The following LUZP2 variants were observed in gnomAD, a reference collection of about 807,000 sequenced individuals.
LUZP2 encodes leucine zipper protein 2.
Under a neutral mutation model 51.6 loss-of-function variants are expected in LUZP2, and 52 were observed. That is an observed-to-expected ratio of 1.01 (90% confidence interval 0.81 to 1.27). LUZP2 has a LOEUF of 1.27. Ranked by LOEUF, LUZP2 falls within the 50% of genes most tolerant of loss-of-function variation. LUZP2 has a pLI of 0.00. For synonymous variants in LUZP2, 154 were observed against 137.3 expected (o/e 1.12, Z -0.85); for missense variants, 436 against 395.4 (o/e 1.10, Z -0.87).
At chr11:24,658,176 G>A (rs1456595205) in intron 1 of LUZP2, among the ~76,000 whole-genome samples, 3 of 152,122 alleles carry the variant, frequency 2.0e-5, no homozygotes, top group South Asian at 2.1e-4. Flanking sequence ...TTCAAACTAT[G>A]CTACAAGGCT....
At chr11:24,674,000 C>T (rs983963532) in intron 1 of LUZP2, among the ~76,000 whole-genome samples, 8 of 152,148 alleles carry the variant, frequency 5.3e-5, no homozygotes, top group Admixed American at 3.3e-4. Context: ...AAGTATTTAA[C>T]ATTGCTAATC....
intron 7 of LUZP2, among the ~76,000 whole-genome samples, chr11:24,918,533 A>G (rs1280847245): frequency 6.6e-6 from 1 of 151,916 alleles, no homozygotes; most frequent in Non-Finnish European, 1.5e-5. Flanking sequence ...AAAAACTCTC[A>G]ATAAATTAGG....
rs1411868012 is a variant in LUZP2 at position 24,926,280 on chromosome 11, TA to T, written c.522+11743del. Among the ~76,000 whole-genome samples, 185 of 70,412 alleles carry T rather than the reference TA, an allele frequency of 2.6e-3. 9 individuals are homozygous for T. Among genetic ancestry groups the T allele is most frequent in the African/African-American group, 8.0e-3 (182 of 22,706 alleles). The allele number at this position is 70,412 out of a possible 152,430, so 46.2% of individuals were successfully genotyped here. On this transcript the variant is annotated intron_variant, in intron 7 of 11. Transcript: ENST00000336930. ...GTGTGTGTATATATATACGTGTATA[TA>T]TATATACGTGTGTATATATATACGT...
intron 1 of LUZP2, among the ~76,000 whole-genome samples, chr11:24,598,319 A>G (rs1283612633): frequency 1.3e-5 from 2 of 152,068 alleles, no homozygotes; most frequent in Non-Finnish European, 2.9e-5. Flanking sequence ...TTTTTTGTAC[A>G]AGCTTCTGTA....
chr11:24,841,264 T>C (rs931738204), intron 5 of LUZP2, among the ~76,000 whole-genome samples: 60 of 152,070 alleles, frequency 3.9e-4, no homozygotes, highest in African/African-American at 1.4e-3. Context: ...CTCTGCCATG[T>C]TAGGATAGAG....
intron 4 of LUZP2, among the ~76,000 whole-genome samples, chr11:24,746,179 T>C (rs1284821532): frequency 3.9e-5 from 6 of 152,196 alleles, no homozygotes; most frequent in Non-Finnish European, 7.3e-5. Flanking sequence ...AGAGGTTCTG[T>C]TTTGATGTTT....
chr11:24,822,039 C>A (rs531522505), intron 5 of LUZP2, among the ~76,000 whole-genome samples: 31 of 147,800 alleles, frequency 2.1e-4, no homozygotes, highest in Non-Finnish European at 4.2e-4. Flanking sequence ...TTTTTTTTGG[C>A]CTTTGAATAA....
chr11:24,715,596 G>A (rs918667788), intron 1 of LUZP2, among the ~76,000 whole-genome samples: 7 of 151,910 alleles, frequency 4.6e-5, no homozygotes, highest in African/African-American at 1.5e-4. Context: ...TCCCCTTTAC[G>A]ATATTTAATC....
chr11:24,540,226 C>A (rs148099178), intron 1 of LUZP2, among the ~76,000 whole-genome samples: 10 of 151,972 alleles, frequency 6.6e-5, no homozygotes, highest in Non-Finnish European at 8.8e-5. Flanking sequence ...TCTTCAAATA[C>A]GTTAGAAGCC....
At chr11:25,066,737 C>A (rs940249497) in intron 10 of LUZP2, among the ~76,000 whole-genome samples, 1 of 151,514 alleles carries the variant, frequency 6.6e-6, no homozygotes, top group Non-Finnish European at 1.5e-5. Flanking sequence ...AGAAAGGTGA[C>A]GTTAGAGAGA....
intron 5 of LUZP2, among the ~76,000 whole-genome samples, chr11:24,836,711 A>G (rs1850870191): frequency 6.6e-6 from 1 of 151,750 alleles, no homozygotes. Flanking sequence ...TTATGAAGCC[A>G]CACACACACA....
intron 7 of LUZP2, among the ~76,000 whole-genome samples, chr11:24,928,342 T>G (rs1854341073): frequency 6.6e-6 from 1 of 151,972 alleles, no homozygotes; most frequent in Admixed American, 6.6e-5. Flanking sequence ...TTTCAACTTC[T>G]CCTTGTTTAG....
chr11:24,845,337 C>G (rs1005313589), intron 5 of LUZP2, among the ~76,000 whole-genome samples: 5 of 152,174 alleles, frequency 3.3e-5, no homozygotes, highest in Admixed American at 6.5e-5. Context: ...TTGTCTTGGA[C>G]AATTTATCCT....
intron 5 of LUZP2, among the ~76,000 whole-genome samples, chr11:24,765,619 T>A (rs1860158041): frequency 6.8e-6 from 1 of 147,184 alleles, no homozygotes; most frequent in Admixed American, 6.7e-5. Flanking sequence ...TTTCCTTTTT[T>A]TTCTTTTTTC....
rs139421364 is a variant in LUZP2 at position 25,037,165 on chromosome 11, G to A, written c.766-12873G>A. Among the ~76,000 whole-genome samples the A allele has an allele frequency of 1.3e-3, 191 of 152,288 alleles. 2 individuals are homozygous for A. Among genetic ancestry groups the A allele is most frequent in the African/African-American group, 4.3e-3 (179 of 41,560 alleles). On this transcript the variant is annotated intron_variant, in intron 9 of 11. Coordinates refer to ENST00000336930, the MANE Select transcript of LUZP2 (RefSeq NM_001009909.4). ...GTTGGGTGTGCATATATTTAGGATA[G>A]TTAAGGCTTCTTGTTGGATTGTATC...
chr11:24,871,720 A>G (rs1222263046), intron 5 of LUZP2, among the ~76,000 whole-genome samples: 1 of 152,040 alleles, frequency 6.6e-6, no homozygotes, highest in East Asian at 1.9e-4. Flanking sequence ...AGTATTCCCT[A>G]TAAACTACAG....
chr11:24,659,620 A>G (rs539141044), intron 1 of LUZP2, among the ~76,000 whole-genome samples: 24 of 152,176 alleles, frequency 1.6e-4, no homozygotes, highest in African/African-American at 5.8e-4. Context: ...TCTAAACATA[A>G]TTTTGGCAGC....
chr11:24,832,935 A>G (rs1006597227), intron 5 of LUZP2, among the ~76,000 whole-genome samples: 1 of 152,166 alleles, frequency 6.6e-6, no homozygotes, highest in Non-Finnish European at 1.5e-5. Context: ...CTTAGAGGCC[A>G]GAGGTCTGGA....
At chr11:24,953,121 G>C (rs1284112580) in intron 7 of LUZP2, among the ~76,000 whole-genome samples, 3 of 151,914 alleles carry the variant, frequency 2.0e-5, no homozygotes, top group Non-Finnish European at 4.4e-5. Context: ...ATTTAGAGTA[G>C]TAGGGAATTA....
Sources: gnomAD v4.1 joint callset for allele counts (sites outside exome capture counted in the v4.1 genomes callset) on GRCh38, gnomAD v4.1.1 for gene constraint, MANE v1.5 for transcripts, NCBI Gene and HGNC (gene_info 2026-07-23, HGNC 2026-07-21) for gene names.